The following NUDT1 variants were observed in gnomAD, a reference collection of about 807,000 sequenced individuals.
NUDT1 encodes the protein oxidized purine nucleoside triphosphate hydrolase.
A neutral mutation model predicts 11.3 loss-of-function variants in NUDT1; 16 were observed. The ratio of observed to expected loss-of-function variants is 1.41; its 90% CI spans 0.96 to 2.15. The LOEUF (loss-of-function observed/expected upper bound fraction) is 2.15, where lower values mean the gene tolerates loss of function less well. Among genes scored for constraint, NUDT1 ranks in the 30% most tolerant of loss-of-function variants. The pLI, the probability that NUDT1 is intolerant of heterozygous loss-of-function variation, is 0.00. For missense variants in NUDT1, 234 were observed against 208.4 expected, an observed-to-expected ratio of 1.12 and a Z score of -0.76; for synonymous variants, 101 against 84.4, an observed-to-expected ratio of 1.20 and a Z score of -1.08.
In NUDT1 at chr7:2,251,028, G is replaced by C. The variant is rs752468162; in HGVS notation, c.*27G>C. 3 of 1,612,820 alleles carry C rather than the reference G, an allele frequency of 1.9e-6. No individual in the cohort carries two copies. The East Asian group carries it at 6.7e-5, about 36-fold the overall frequency. On this transcript the variant is annotated 3_prime_UTR_variant, in exon 4 of 4. Coordinates refer to ENST00000356714, the MANE Select transcript of NUDT1 (RefSeq NM_002452.4). The stretch of plus-strand genomic sequence containing the variant: ...GGGAGCCCAGGGCAGCCCCTGGGCA[G>C]GAGACGTGGCTGCTGAACAGCCGCA...
intron 2 of NUDT1, among the ~76,000 whole-genome samples, chr7:2,247,858 G>C (rs1238541041): frequency 6.6e-6 from 1 of 152,252 alleles, no homozygotes; most frequent in African/African-American, 2.4e-5. Flanking sequence ...ACGAGCAACA[G>C]CCGGCCGCCA....
intron 2 of NUDT1, among the ~76,000 whole-genome samples, chr7:2,246,017 G>A (rs1562407370): frequency 6.6e-6 from 1 of 152,202 alleles, no homozygotes; most frequent in Non-Finnish European, 1.5e-5. Context: ...CTCTGTGCTG[G>A]GGGCCGCAGC....
At chr7:2,243,610 TA>T (rs34371940) in intron 1 of NUDT1, among the ~76,000 whole-genome samples, 4,081 of 152,172 alleles carry the variant, frequency 0.027, 84 homozygotes, top group East Asian at 0.042. Context: ...CCATCTCTAC[TA>T]AAAATACAGA....
At chr7:2,248,936 G>A (rs1794872421) in intron 2 of NUDT1, among the ~76,000 whole-genome samples, 1 of 152,236 alleles carries the variant, frequency 6.6e-6, no homozygotes, top group South Asian at 2.1e-4. Context: ...AGAGGAGAAA[G>A]AGCCAAAGGA....
chr7:2,242,600 C>T (rs1439002982), intron 1 of NUDT1: 4 of 331,572 alleles, frequency 1.2e-5, no homozygotes, highest in Non-Finnish European at 2.2e-5. Flanking sequence ...ACCCATTTAC[C>T]CTGTCTGACC....
At chr7:2,245,040 G>A (rs1473662118) in intron 2 of NUDT1, among the ~76,000 whole-genome samples, 1 of 152,206 alleles carries the variant, frequency 6.6e-6, no homozygotes, top group Non-Finnish European at 1.5e-5. Flanking sequence ...CCTCTGTGCA[G>A]CAGCTTGAAT....
intron 2 of NUDT1, 79 bp downstream of exon 2, chr7:2,244,805 T>C: frequency 6.6e-7 from 1 of 1,525,790 alleles, no homozygotes; most frequent in East Asian, 2.4e-5. Flanking sequence ...ACACCCTTGG[T>C]TTCACCACTA....
intron 1 of NUDT1, 26 bp downstream of exon 1, chr7:2,242,282 C>T: frequency 9.0e-7 from 1 of 1,105,216 alleles, no homozygotes; most frequent in Non-Finnish European, 1.2e-6. Context: ...GCGGGGATTC[C>T]AGGAGTCGTG....
chr7:2,244,463 C>T, intron 1 of NUDT1, 100 bp from the exon 2 acceptor site: 7 of 952,770 alleles, frequency 7.3e-6, no homozygotes, highest in Non-Finnish European at 1.1e-5. Context: ...CCCCCCCGCC[C>T]CCCACTGCCT....
chr7:2,246,743 G>T (rs1414547570), intron 2 of NUDT1, among the ~76,000 whole-genome samples: 1 of 152,190 alleles, frequency 6.6e-6, no homozygotes, highest in Admixed American at 6.5e-5. Flanking sequence ...GGGTTTGAGG[G>T]GGGGAACTGA....
In NUDT1 at chr7:2,249,613, C is replaced by A. The variant is rs887954650; in HGVS notation, c.153-244C>A. On this transcript the variant is annotated intron_variant, in intron 2 of 3. Transcript: ENST00000356714. The stretch of plus-strand genomic sequence containing the variant: ...CGTTCCTCCCACCAGAGGCTCCACA[C>A]CATCTCCGGGCCCCTCCCCAGAGCC... The A allele has an allele frequency of 3.6e-5, 20 of 559,660 alleles. No homozygotes were observed. The African/African-American group carries it at 3.6e-4, about 10-fold the overall frequency. The allele number at this position is 559,660 out of a possible 1,614,324, so 34.7% of individuals were successfully genotyped here.
chr7:2,247,581 G>T (rs554657441), intron 2 of NUDT1, among the ~76,000 whole-genome samples: 1 of 152,192 alleles, frequency 6.6e-6, no homozygotes, highest in South Asian at 2.1e-4. Flanking sequence ...CCCACGCCAC[G>T]GACGCTGCAC....
chr7:2,245,002 G>A (rs1452058086), intron 2 of NUDT1, among the ~76,000 whole-genome samples: 2 of 152,194 alleles, frequency 1.3e-5, no homozygotes, highest in Non-Finnish European at 2.9e-5. Context: ...GTGCGGTGGT[G>A]CTGGGGGCTG....
At position 2,250,790 on chromosome 7, in the gene NUDT1, G is replaced by A. The variant is rs761248913; in HGVS notation, c.299-39G>A. The A allele has an allele frequency of 3.1e-6, 5 of 1,613,342 alleles. No individual in the cohort carries two copies. In the Admixed American group the frequency reaches 8.3e-5, roughly 27 times the overall value. On this transcript the variant is annotated intron_variant, in intron 3 of 3. Coordinates refer to ENST00000356714, the MANE Select transcript of NUDT1 (RefSeq NM_002452.4). ...ACATGTTTTTTAAGCATGAAGTTTG[G>A]GTTGCACCTCAGTGCCTCCTCTTCC...
In NUDT1 at chr7:2,243,258, G is replaced by A. The variant is rs1794627736; in HGVS notation, c.-13+1002G>A. The stretch of plus-strand genomic sequence containing the variant: ...CACAGGACGGGGACGTGGCGGGCTC[G>A]GGAAATGCAACATTTGGGCAAAAAA... On this transcript the variant is annotated intron_variant, in intron 1 of 3. Transcript: ENST00000356714. Among the ~76,000 whole-genome samples the A allele has an allele frequency of 4.6e-5, 7 of 152,082 alleles. No homozygotes were observed. In the South Asian group the frequency reaches 1.2e-3, roughly 27 times the overall value.
Position 2,250,818 on chromosome 7 carries a change from C to A in NUDT1, c.299-11C>A. On this transcript the variant is annotated splice_polypyrimidine_tract_variant and intron_variant, in intron 3 of 3. Coordinates refer to ENST00000356714, the MANE Select transcript of NUDT1 (RefSeq NM_002452.4). ...TGCACCTCAGTGCCTCCTCTTCCCC[C>A]ATTGGTACAGAAATGCGCCCATGCT... The A allele has an allele frequency of 3.7e-6, 6 of 1,614,048 alleles. No homozygotes were observed. The highest frequency in any genetic ancestry group is 5.1e-6 in the Non-Finnish European group (6 of 1,179,940).
In NUDT1 at chr7:2,249,971, C is replaced by G; in HGVS notation, c.267C>G (p.Asp89Glu). The change falls in exon 3 of 4, where the codon GAC (aspartate) becomes GAG (glutamate). Residue 89 changes from aspartate to glutamate, a missense_variant. Asp to Glu is a conservative substitution (Grantham distance 45). Coordinates refer to ENST00000356714, the MANE Select transcript of NUDT1 (RefSeq NM_002452.4). ...TGGACGTGCATGTCTTCTGCACAGACAGCATCCAGGGGACCCCCGTGGAGA... is the reference window on the plus strand; with the variant it reads ...TGGACGTGCATGTCTTCTGCACAGAGAGCATCCAGGGGACCCCCGTGGAGA... ...ELMDVHVFCT[D>E]SIQGTPVESD... 6.2e-7 allele frequency: 1 copy of G among 1,614,206 alleles called. No homozygotes were observed. The highest frequency in any genetic ancestry group is 1.1e-5 in the South Asian group (1 of 91,088).
chr7:2,243,070 G>T, intron 1 of NUDT1: 1 of 714,864 alleles, frequency 1.4e-6, no homozygotes, highest in Non-Finnish European at 2.6e-6. Flanking sequence ...CTGGAGTCGG[G>T]CTGCTGAGCA....
rs369115209 is a variant in NUDT1 at position 2,244,728 on chromosome 7, T to C, written c.152+2T>C. 1 of 1,606,392 alleles carries C rather than the reference T, an allele frequency of 6.2e-7. No homozygotes were observed. Among genetic ancestry groups the C allele is most frequent in the Non-Finnish European group, 8.5e-7 (1 of 1,177,356 alleles). On this transcript the variant is annotated splice_donor_variant, in intron 2 of 3. Coordinates refer to ENST00000356714, the MANE Select transcript of NUDT1 (RefSeq NM_002452.4). LOFTEE classifies it high-confidence loss of function. ...GACCATCGAGGATGGGGCTAGGAGG[T>C]AAGGATGGGGCAGGTCTGGCCATAG...
Sources: gnomAD v4.1 joint callset for allele counts (sites outside exome capture counted in the v4.1 genomes callset) on GRCh38, gnomAD v4.1.1 for gene constraint, MANE v1.5 for transcripts, NCBI Gene and HGNC (gene_info 2026-07-23, HGNC 2026-07-21) for gene names.